Variants in MSH3 observed in about 807,000 individuals in gnomAD.
MSH3 encodes mutS homolog 3, also known as DNA mismatch repair protein Msh3.
Under a neutral mutation model 123.3 loss-of-function variants are expected in MSH3, and 106 were observed. The observed-to-expected ratio is 0.86, with a 90% CI of 0.73 to 1.01. The LOEUF (loss-of-function observed/expected upper bound fraction) is 1.01, where lower values mean the gene tolerates loss of function less well. Among genes scored for constraint, MSH3 ranks in the 50% least tolerant of loss-of-function variants. The pLI is 0.00. For missense variants in MSH3, 1,459 were observed against 1,347.6 expected, an observed-to-expected ratio of 1.08 and a Z score of -1.29; for synonymous variants, 515 against 481.4, an observed-to-expected ratio of 1.07 and a Z score of -0.91.
In MSH3 at chr5:80,778,756, T is replaced by G; in HGVS notation, c.2355T>G (p.Ile785Met). Residue 785 changes from isoleucine to methionine, a missense_variant, in exon 17 of 24, where the codon ATT (isoleucine) becomes ATG (methionine). Coordinates refer to ENST00000265081, the MANE Select transcript of MSH3 (RefSeq NM_002439.5). ...TGAGCCGCTTTCACTCTCCTTTTAT[T>G]GTAGAAAATTACAGACATCTGAATC... The part of the protein sequence containing the change: ...KAVSRFHSPF[I>M]VENYRHLNQL... 6.2e-7 allele frequency: 1 copy of G among 1,612,990 alleles called. No individual in the cohort carries two copies. Among genetic ancestry groups the G allele is most frequent in the Non-Finnish European group, 8.5e-7 (1 of 1,178,932 alleles).
chr5:80,832,435 C>T (rs1745435594), intron 20 of MSH3, among the ~76,000 whole-genome samples: 1 of 152,076 alleles, frequency 6.6e-6, no homozygotes, highest in South Asian at 2.1e-4. Context: ...GGCTGGCCAA[C>T]ATGGTGAAAC....
At chr5:80,875,716 A>G in intron 23 of MSH3, 35 bp from the exon 24 acceptor site, 2 of 1,244,408 alleles carry the variant, frequency 1.6e-6, no homozygotes, top group Non-Finnish European at 2.4e-6. Flanking sequence ...CAGCAATTTC[A>G]TTTATTAAAT....
intron 7 of MSH3, among the ~76,000 whole-genome samples, chr5:80,676,233 G>C (rs969478817): frequency 6.6e-6 from 1 of 152,162 alleles, no homozygotes. Context: ...GTTTCACCAC[G>C]TTGGACAGGC....
intron 12 of MSH3, among the ~76,000 whole-genome samples, chr5:80,758,813 G>A (rs6151778): frequency 0.025 from 3,782 of 152,116 alleles, 143 homozygotes; most frequent in African/African-American, 0.084. Context: ...CTGTATCTCA[G>A]AAAACCTTTA....
At chr5:80,862,620 C>T (rs557920206) in intron 21 of MSH3, among the ~76,000 whole-genome samples, 7 of 152,100 alleles carry the variant, frequency 4.6e-5, no homozygotes, top group African/African-American at 1.4e-4. Context: ...ATTAGCCAGG[C>T]ATAGTGGTGC....
At chr5:80,661,842 G>T in intron 2 of MSH3, among the ~76,000 whole-genome samples, 1 of 152,260 alleles carries the variant, frequency 6.6e-6, no homozygotes, top group South Asian at 2.1e-4. Flanking sequence ...GATCACTTTG[G>T]TCTTTTTAAG....
At chr5:80,658,050 T>TTTTTTTTTTTTTTGG (rs1580541891) in intron 2 of MSH3, among the ~76,000 whole-genome samples, 2 of 149,266 alleles carry the variant, frequency 1.3e-5, no homozygotes, top group African/African-American at 5.0e-5. Context: ...TTTTTTTTTT[T>TTTTTTTTTTTTTTGG]GAGATAGGGT....
chr5:80,732,724 G>T (rs1743433866), intron 10 of MSH3, among the ~76,000 whole-genome samples: 1 of 152,064 alleles, frequency 6.6e-6, no homozygotes, highest in South Asian at 2.1e-4. Flanking sequence ...GGGTATACTG[G>T]CTTGGTTTAA....
intron 8 of MSH3, among the ~76,000 whole-genome samples, chr5:80,687,914 A>C (rs913426990): frequency 6.6e-6 from 1 of 152,178 alleles, no homozygotes; most frequent in South Asian, 2.1e-4. Flanking sequence ...GAGCTTAGAG[A>C]ATGCCAATAG....
chr5:80,782,500 T>C (rs995033682), intron 17 of MSH3, among the ~76,000 whole-genome samples: 1 of 152,202 alleles, frequency 6.6e-6, no homozygotes, highest in African/African-American at 2.4e-5. Context: ...ACAAGTACTT[T>C]ACCATTTTAT....
intron 8 of MSH3, among the ~76,000 whole-genome samples, chr5:80,706,687 C>T (rs1298931535): frequency 5.3e-5 from 8 of 152,074 alleles, no homozygotes; most frequent in African/African-American, 1.7e-4. Flanking sequence ...TTCTTCAAAA[C>T]GAGAGATATT....
rs1276965330 is a variant in MSH3 at position 80,665,304 on chromosome 5, C to T, written c.520C>T (p.Leu174Phe). 6.2e-7 allele frequency: 1 copy of T among 1,613,652 alleles called. No individual in the cohort carries two copies. Among genetic ancestry groups the T allele is most frequent in the South Asian group, 1.1e-5 (1 of 91,050 alleles). Residue 174 changes from leucine to phenylalanine, a missense_variant, in exon 3 of 24, where the codon CTT (leucine) becomes TTT (phenylalanine). Physicochemically the swap from Leu to Phe is conservative, Grantham distance 22. Coordinates refer to ENST00000265081, the MANE Select transcript of MSH3 (RefSeq NM_002439.5). ...PKCTDFDDIS[L>F]LHAKNAVSSE... The stretch of plus-strand genomic sequence containing the variant: ...ATGTACTGATTTTGATGATATCAGT[C>T]TTCTACACGCAAAGAATGCAGTTTC...
chr5:80,861,315 G>A (rs1441716844), intron 21 of MSH3, among the ~76,000 whole-genome samples: 1 of 152,166 alleles, frequency 6.6e-6, no homozygotes, highest in East Asian at 1.9e-4. Flanking sequence ...TAGGGGAGGA[G>A]TCCTATGATT....
intron 21 of MSH3, 37 bp downstream of exon 21, chr5:80,854,353 AT>A: frequency 6.5e-7 from 1 of 1,547,288 alleles, no homozygotes; most frequent in Non-Finnish European, 8.9e-7. Context: ...AAAGAAATTA[AT>A]TTGTAAATTA....
At chr5:80,655,768 G>T (rs536765009) in intron 1 of MSH3, among the ~76,000 whole-genome samples, 1 of 152,192 alleles carries the variant, frequency 6.6e-6, no homozygotes, top group East Asian at 1.9e-4. Flanking sequence ...TGTTCCTTTC[G>T]TATATATTTC....
rs1744736841 is a variant in MSH3 at position 80,798,446 on chromosome 5, A to G, written c.2655+5602A>G. On this transcript the variant is annotated intron_variant, in intron 19 of 23. Transcript: ENST00000265081. The stretch of plus-strand genomic sequence containing the variant: ...GAAATACTTGCTTTGGCTGTATAAA[A>G]GTTTAAAAGACTAGTTACAGTAATA... Among the ~76,000 whole-genome samples, 6 of 152,338 alleles carry G rather than the reference A, an allele frequency of 3.9e-5. No homozygotes were observed. The South Asian group carries it at 1.2e-3, about 32-fold the overall frequency.
chr5:80,853,332 AGGTGTGGT>A (rs1197417835), intron 20 of MSH3, among the ~76,000 whole-genome samples: 1 of 152,084 alleles, frequency 6.6e-6, no homozygotes, highest in Non-Finnish European at 1.5e-5. Flanking sequence ...AATGTTAGCC[AGGTGTGGT>A]GGCATGCACC....
intron 21 of MSH3, among the ~76,000 whole-genome samples, chr5:80,864,389 A>G (rs1746064806): frequency 6.6e-6 from 1 of 152,224 alleles, no homozygotes; most frequent in African/African-American, 2.4e-5. Flanking sequence ...CATAAAAGAC[A>G]AAAAAGGAAA....
intron 19 of MSH3, among the ~76,000 whole-genome samples, chr5:80,805,583 C>T (rs906443099): frequency 1.3e-5 from 1 of 79,974 alleles, no homozygotes; most frequent in African/African-American, 5.9e-5. Flanking sequence ...ATGATGCCCC[C>T]CCCCCCTACC....
Sources: gnomAD v4.1 joint callset for allele counts (sites outside exome capture counted in the v4.1 genomes callset) on GRCh38, gnomAD v4.1.1 for gene constraint, MANE v1.5 for transcripts, NCBI Gene and HGNC (gene_info 2026-07-23, HGNC 2026-07-21) for gene names.